Variants in TMEM117 observed in about 807,000 individuals in gnomAD.
TMEM117 encodes the protein transmembrane protein 117.
TMEM117 carries 27 observed loss-of-function variants against 52.4 expected under a neutral mutation model. The ratio of observed to expected loss-of-function variants is 0.51; its 90% CI spans 0.38 to 0.71. The LOEUF (loss-of-function observed/expected upper bound fraction) is 0.71. Ranked by LOEUF, TMEM117 falls within the 30% of genes least tolerant of loss-of-function variation. The probability of loss-of-function intolerance (pLI) is 0.00; values close to 1 mark genes in which losing one functional copy is unlikely to be tolerated. For synonymous variants in TMEM117, 215 were observed against 206.3 expected, an observed-to-expected ratio of 1.04 and a Z score of -0.36; for missense variants, 556 against 630.5, an observed-to-expected ratio of 0.88 and a Z score of 1.26.
At chr12:44,019,125 T>C (rs1018996161) in intron 3 of TMEM117, among the ~76,000 whole-genome samples, 3 of 151,956 alleles carry the variant, frequency 2.0e-5, no homozygotes, top group Non-Finnish European at 1.5e-5. Flanking sequence ...CTATAGAGTT[T>C]TTTGCTTGTT....
chr12:44,038,065 T>C (rs1185214446), intron 3 of TMEM117, among the ~76,000 whole-genome samples: 1 of 152,142 alleles, frequency 6.6e-6, no homozygotes, highest in Non-Finnish European at 1.5e-5. Flanking sequence ...TTTATCTTGC[T>C]CACCTTCCAC....
chr12:43,813,922 T>C, the TMEM117 span, among the ~76,000 whole-genome samples: 3 of 152,056 alleles, frequency 2.0e-5, no homozygotes, highest in African/African-American at 7.2e-5. Context: ...GCCCTGATAT[T>C]TCCTATTTAT....
chr12:44,114,093 C>T (rs1192095348), intron 3 of TMEM117, among the ~76,000 whole-genome samples: 1 of 149,178 alleles, frequency 6.7e-6, no homozygotes, highest in East Asian at 2.0e-4. Context: ...ACACACTGGC[C>T]TGCGCCCACT....
intron 3 of TMEM117, among the ~76,000 whole-genome samples, chr12:44,021,208 A>G (rs574145794): frequency 2.8e-4 from 43 of 152,256 alleles, no homozygotes; most frequent in Admixed American, 2.6e-3. Flanking sequence ...TTCATCACCC[A>G]GGTATTAAGC....
In TMEM117 at chr12:44,131,026, G is replaced by A. The variant is rs1948405948; in HGVS notation, c.411-12499G>A. ...TTTCTTTACTGCTTATTTAATTGAAGTCTTTGAAAAACTTATATATTTCTC... is the reference window on the plus strand; with the variant it reads ...TTTCTTTACTGCTTATTTAATTGAAATCTTTGAAAAACTTATATATTTCTC... On this transcript the variant is annotated intron_variant, in intron 3 of 7. Transcript: ENST00000266534. Among the ~76,000 whole-genome samples the A allele has an allele frequency of 3.3e-5, 5 of 152,086 alleles. No homozygotes were observed. The South Asian group carries it at 1.0e-3, about 31-fold the overall frequency.
intron 3 of TMEM117, among the ~76,000 whole-genome samples, chr12:44,090,412 T>A (rs1487714055): frequency 8.6e-6 from 1 of 116,870 alleles, no homozygotes; most frequent in African/African-American, 3.5e-5. Flanking sequence ...ATTTATTTAT[T>A]TATTTATTTA....
At chr12:43,870,255 G>A (rs1943679911) in intron 2 of TMEM117, among the ~76,000 whole-genome samples, 1 of 150,158 alleles carries the variant, frequency 6.7e-6, no homozygotes, top group Non-Finnish European at 1.5e-5. Context: ...GTGTGCATGT[G>A]TCTTTTTTTT....
chr12:44,286,256 AAAGAT>A (rs1950636997), intron 5 of TMEM117, among the ~76,000 whole-genome samples: 1 of 151,500 alleles, frequency 6.6e-6, no homozygotes, highest in African/African-American at 2.4e-5. Flanking sequence ...GACTGGAATC[AAAGAT>A]TATAAACATT....
chr12:43,895,466 C>A (rs61930714), intron 2 of TMEM117, among the ~76,000 whole-genome samples: 1 of 152,136 alleles, frequency 6.6e-6, no homozygotes, highest in Admixed American at 6.5e-5. Flanking sequence ...CATATGCGTG[C>A]ATGTGTCTTG....
chr12:43,818,208 A>G, the TMEM117 span, among the ~76,000 whole-genome samples: 1 of 152,196 alleles, frequency 6.6e-6, no homozygotes, highest in Admixed American at 6.5e-5. Context: ...CTACCCATTT[A>G]TATGTGATAA....
chr12:44,250,969 C>T (rs1304966922), intron 5 of TMEM117, among the ~76,000 whole-genome samples: 2 of 152,134 alleles, frequency 1.3e-5, no homozygotes, highest in Non-Finnish European at 1.5e-5. Context: ...CAAACCTACA[C>T]GTTCTGCACT....
At chr12:43,946,893 A>G (rs779453257) in intron 3 of TMEM117, among the ~76,000 whole-genome samples, 15 of 152,226 alleles carry the variant, frequency 9.9e-5, no homozygotes, top group Admixed American at 2.6e-4. Flanking sequence ...ACTAAATACA[A>G]TCTTGCAGAT....
chr12:43,871,093 GTTTT>G (rs1180740349), intron 2 of TMEM117, among the ~76,000 whole-genome samples: 2 of 146,778 alleles, frequency 1.4e-5, no homozygotes, highest in South Asian at 4.3e-4. Flanking sequence ...CCTTCTTTTT[GTTTT>G]TTTTTTTTTG....
intron 5 of TMEM117, among the ~76,000 whole-genome samples, chr12:44,283,423 C>A (rs531583408): frequency 2.2e-4 from 34 of 152,190 alleles, no homozygotes; most frequent in Middle Eastern, 3.2e-3. Context: ...GGGAACCCAC[C>A]TCTTGCATCA....
At chr12:44,086,668 A>G (rs970556215) in intron 3 of TMEM117, among the ~76,000 whole-genome samples, 5 of 152,052 alleles carry the variant, frequency 3.3e-5, no homozygotes, top group African/African-American at 1.2e-4. Flanking sequence ...GCAAAATTCT[A>G]TCTGGATAGA....
At chr12:44,078,094 T>C (rs1947411702) in intron 3 of TMEM117, among the ~76,000 whole-genome samples, 1 of 152,208 alleles carries the variant, frequency 6.6e-6, no homozygotes, top group Non-Finnish European at 1.5e-5. Context: ...AACTTCTGTG[T>C]TGATAAAAAC....
intron 3 of TMEM117, among the ~76,000 whole-genome samples, chr12:44,025,196 T>C (rs1205887425): frequency 6.6e-6 from 1 of 152,146 alleles, no homozygotes; most frequent in African/African-American, 2.4e-5. Flanking sequence ...AATTAAAGAC[T>C]CCATCTTGTA....
intron 2 of TMEM117, among the ~76,000 whole-genome samples, chr12:43,889,743 A>G (rs1390967739): frequency 6.6e-6 from 1 of 152,234 alleles, no homozygotes; most frequent in East Asian, 1.9e-4. Flanking sequence ...CTATGAAAAA[A>G]GCAAGACATA....
chr12:44,155,154 T>A (rs945949986), intron 4 of TMEM117, among the ~76,000 whole-genome samples: 3 of 152,172 alleles, frequency 2.0e-5, no homozygotes, highest in Non-Finnish European at 4.4e-5. Flanking sequence ...ACATAGTTTT[T>A]AAATATTTTA....
Sources: allele counts gnomAD v4.1 joint callset (sites outside exome capture counted in the v4.1 genomes callset), GRCh38; gene constraint gnomAD v4.1.1; transcripts MANE v1.5; gene names NCBI Gene and HGNC (gene_info 2026-07-23, HGNC 2026-07-21).